The following PARVB variants were observed in gnomAD, a reference collection of about 807,000 sequenced individuals.
PARVB encodes parvin beta.
Under a neutral mutation model 47.0 loss-of-function variants are expected in PARVB, and 46 were observed. The ratio of observed to expected loss-of-function variants is 0.98; its 90% confidence interval spans 0.77 to 1.25. The LOEUF is 1.25. Ranked by LOEUF, PARVB falls within the 50% of genes most tolerant of loss-of-function variation. The pLI, the probability that PARVB is intolerant of heterozygous loss-of-function variation, is 0.00. For synonymous variants in PARVB, 196 were observed against 196.3 expected, an observed-to-expected ratio of 1.00 and a Z score of 0.01; for missense variants, 473 against 471.6, an observed-to-expected ratio of 1.00 and a Z score of -0.03.
At chr22:44,011,920 C>T (rs1036373165) in intron 2 of PARVB, among the ~76,000 whole-genome samples, 5 of 152,184 alleles carry the variant, frequency 3.3e-5, no homozygotes, top group African/African-American at 1.2e-4. Flanking sequence ...AAAAACCTTT[C>T]ATTTTGCAAG....
chr22:44,164,041 G>A (rs889876407), intron 12 of PARVB, 111 bp downstream of exon 12: 13 of 730,146 alleles, frequency 1.8e-5, no homozygotes, highest in East Asian at 9.3e-5. Flanking sequence ...TGGGCCCCAC[G>A]TCTCTGGCTC....
chr22:44,116,060 G>T (rs563409701), intron 3 of PARVB: 1 of 152,452 alleles, frequency 6.6e-6, no homozygotes, highest in East Asian at 1.9e-4. Context: ...TTCTCCTTTG[G>T]CCGTCTCAGG....
chr22:44,026,087 A>G (rs1203186825), intron 1 of PARVB, among the ~76,000 whole-genome samples: 1 of 152,188 alleles, frequency 6.6e-6, no homozygotes, highest in East Asian at 1.9e-4. Flanking sequence ...ATGGCAAGGA[A>G]CCGGAATGTT....
At chr22:44,121,112 A>AT (rs1474990448) in intron 4 of PARVB, among the ~76,000 whole-genome samples, 6 of 152,152 alleles carry the variant, frequency 3.9e-5, no homozygotes, top group Admixed American at 2.0e-4. Context: ...AAGTGCTGGG[A>AT]TTACAGGTGT....
At chr22:44,001,122 C>T (rs762512978) in intron 2 of PARVB, among the ~76,000 whole-genome samples, 28 of 152,036 alleles carry the variant, frequency 1.8e-4, no homozygotes, top group Non-Finnish European at 4.0e-4. Context: ...TGGTGGTGGG[C>T]GCCTGTAGTC....
At chr22:44,025,746 C>A (rs1379239713) in intron 1 of PARVB, among the ~76,000 whole-genome samples, 2 of 152,190 alleles carry the variant, frequency 1.3e-5, no homozygotes, top group Non-Finnish European at 2.9e-5. Context: ...ACTGTTCTTC[C>A]ATGCAGTCAT....
At position 43,999,287 on chromosome 22, in the gene PARVB, C is replaced by T. The variant is rs1603421234; in HGVS notation, c.-54C>T. 2.9e-6 allele frequency: 4 copies of T among 1,364,246 alleles called. No homozygotes were observed. The East Asian group carries it at 7.2e-5, about 24-fold the overall frequency. 84.5% of individuals were successfully genotyped at this position (1,364,246 alleles called of 1,614,324 possible). On this transcript the variant is annotated 5_prime_UTR_variant, in exon 1 of 14. Transcript: ENST00000406477. Reference sequence around the variant, plus strand: ...AAGAACTCATTTTAATTTCTGAATTCTCCCTTTTTAAAGACCAGATAAATT... The same window carrying T: ...AAGAACTCATTTTAATTTCTGAATTTTCCCTTTTTAAAGACCAGATAAATT...
At position 44,084,533 on chromosome 22, in the gene PARVB, G is replaced by C. The variant is rs142530571; in HGVS notation, c.113-9395G>C. Among the ~76,000 whole-genome samples the C allele has an allele frequency of 3.0e-3, 450 of 152,366 alleles. 4 individuals carry two copies. The Middle Eastern group carries it at 0.044, about 15-fold the overall frequency. ...ACTGGCCAATCCAAGAATAGGGCAC[G>C]AGATGTGAGCCTGCCAAGGGTACTC... On this transcript the variant is annotated intron_variant, in intron 1 of 12. Coordinates refer to ENST00000338758, the MANE Select transcript of PARVB (RefSeq NM_013327.5).
rs566785588 is a variant in PARVB, at chr22:44,158,987, T to C, written c.945+904T>C. 3.3e-5 allele frequency among the ~76,000 whole-genome samples: 5 copies of C among 152,324 alleles called. No homozygotes were observed. The East Asian group carries it at 9.7e-4, about 29-fold the overall frequency. ...CAGTCTGTTTGCTTGTGGCCAAATG[T>C]TGTTCCTATCTTGCCTGCTGAGATG... On this transcript the variant is annotated intron_variant, in intron 11 of 12. Coordinates refer to ENST00000338758, the MANE Select transcript of PARVB (RefSeq NM_013327.5).
At chr22:44,020,782 CT>C (rs1241647209), upstream of PARVB, among the ~76,000 whole-genome samples, 2 of 151,512 alleles carry the variant, frequency 1.3e-5, no homozygotes, top group Admixed American at 1.3e-4. Context: ...CAACTCTGTC[CT>C]TTCTTTTTTT....
chr22:44,093,866 ACATGT>A, intron 1 of PARVB, 57 bp from the exon 2 acceptor site: 1 of 1,011,994 alleles, frequency 9.9e-7, no homozygotes, highest in Non-Finnish European at 1.5e-6. Flanking sequence ...TCCACAGCCA[ACATGT>A]GAGGCCACGG....
chr22:44,011,249 A>G (rs1360224093), intron 2 of PARVB, among the ~76,000 whole-genome samples: 1 of 152,036 alleles, frequency 6.6e-6, no homozygotes, highest in Non-Finnish European at 1.5e-5. Context: ...CCTGGGATGA[A>G]GGTGGGAGCT....
chr22:44,166,116 C>CT (rs976652954), intron 12 of PARVB, among the ~76,000 whole-genome samples: 1 of 151,770 alleles, frequency 6.6e-6, no homozygotes, highest in Non-Finnish European at 1.5e-5. Context: ...GAACCCACGA[C>CT]TTTTTTTTTC....
At chr22:43,999,845 A>AAAAAC (rs1569041468) in intron 2 of PARVB, among the ~76,000 whole-genome samples, 2 of 138,384 alleles carry the variant, frequency 1.4e-5, no homozygotes, top group East Asian at 2.1e-4. Context: ...AAAAAAAAAA[A>AAAAAC]AAAAAAAAAA....
At chr22:44,021,417 G>A (rs2050646534), upstream of PARVB, among the ~76,000 whole-genome samples, 1 of 152,142 alleles carries the variant, frequency 6.6e-6, no homozygotes, top group Non-Finnish European at 1.5e-5. Context: ...AGGAGGGAAG[G>A]AGAAAGAAGG....
upstream of PARVB, among the ~76,000 whole-genome samples, chr22:44,024,019 C>G (rs2050686419): frequency 6.6e-6 from 1 of 152,234 alleles, no homozygotes; most frequent in Admixed American, 6.5e-5. Context: ...GCAATGGTGT[C>G]TGTCGCGCTG....
upstream of PARVB, among the ~76,000 whole-genome samples, chr22:44,024,023 C>T (rs2050686441): frequency 6.6e-6 from 1 of 152,328 alleles, no homozygotes; most frequent in Non-Finnish European, 1.5e-5. Flanking sequence ...TGGTGTCTGT[C>T]GCGCTGTCGC....
intron 4 of PARVB, among the ~76,000 whole-genome samples, chr22:44,127,466 C>T (rs2053212660): frequency 6.6e-6 from 1 of 152,210 alleles, no homozygotes; most frequent in Admixed American, 6.5e-5. Context: ...AGGCATTCAG[C>T]TCTTTGGCTT....
intron 4 of PARVB, among the ~76,000 whole-genome samples, chr22:44,129,840 G>T (rs1601651022): frequency 6.6e-6 from 1 of 152,148 alleles, no homozygotes; most frequent in East Asian, 1.9e-4. Context: ...CCCCACTAGG[G>T]ACCTCTGTTA....
Sources: gnomAD v4.1 joint callset for allele counts (sites outside exome capture counted in the v4.1 genomes callset) on GRCh38, gnomAD v4.1.1 for gene constraint, MANE v1.5 for transcripts, NCBI Gene and HGNC (gene_info 2026-07-23, HGNC 2026-07-21) for gene names.